Variants in USP9X observed in about 807,000 individuals in gnomAD.
USP9X encodes the protein ubiquitin carboxyl-terminal hydrolase 9X.
Under a neutral mutation model 190.3 loss-of-function variants are expected in USP9X, and 7 were observed. That is an observed-to-expected ratio of 0.04 (90% CI 0.02 to 0.07). The LOEUF is 0.07. Among genes scored for constraint, USP9X ranks in the 10% least tolerant of loss-of-function variants. The pLI is 1.00. For synonymous variants in USP9X, 645 were observed against 659.5 expected, an observed-to-expected ratio of 0.98 and a Z score of 0.34; for missense variants, 1,010 against 1,916.9, an observed-to-expected ratio of 0.53 and a Z score of 8.83.
rs2061902577 is a variant in USP9X, at chrX:41,085,567, C to T, written c.-701C>T. 1 of 260,880 alleles carries T rather than the reference C, an allele frequency of 3.8e-6. No individual in the cohort carries two copies. The highest frequency in any genetic ancestry group is 5.6e-5 in the East Asian group (1 of 17,846). The allele number at this position is 260,880 out of a possible 1,213,427, so 21.5% of individuals were successfully genotyped here. A position where few individuals can be genotyped will look rare whatever the true frequency, so the allele number is the denominator to read the frequency against. ...CGTCAGGGCCTCTGTCGCGCCTAGC[C>T]CCTCCCCGCCTTACACAGCTCCCGG... On this transcript the variant is annotated 5_prime_UTR_variant, in exon 1 of 45. Coordinates refer to ENST00000378308, the MANE Select transcript of USP9X (RefSeq NM_001039591.3).
intron 33 of USP9X, among the ~76,000 whole-genome samples, 153 bp from the exon 34 acceptor site, chrX:41,214,415 G>T (rs2063192553): frequency 1.8e-5 from 2 of 111,127 alleles, no homozygotes; most frequent in African/African-American, 6.6e-5. Context: ...CATGGCACAT[G>T]TATACATATG....
chrX:41,125,640 G>A (rs867429437), intron 2 of USP9X, among the ~76,000 whole-genome samples: 33 of 27,417 alleles, frequency 1.2e-3, no homozygotes, highest in African/African-American at 2.2e-3. Context: ...CACCCCTCCC[G>A]CCAACACACA....
At position 41,232,933 on chromosome X, in the gene USP9X, GA is replaced by G. The variant is rs759670124; in HGVS notation, c.*421del. On this transcript the variant is annotated 3_prime_UTR_variant, in exon 45 of 45. Transcript: ENST00000378308. The stretch of plus-strand genomic sequence containing the variant: ...GTTGGATCAGCTCCTTTACAAAAAA[GA>G]AAAAAAAAAAACCAACAGCAACAAA... The G allele has an allele frequency of 1.0e-3, 98 of 97,919 alleles. No homozygotes were observed. The highest frequency in any genetic ancestry group is 1.6e-3 in the East Asian group (5 of 3,202). The allele number at this position is 97,919 out of a possible 1,213,427, so 8.1% of individuals were successfully genotyped here. A position where few individuals can be genotyped will look rare whatever the true frequency, so the allele number is the denominator to read the frequency against.
At chrX:41,219,916 T>C (rs1458749245) in intron 38 of USP9X, among the ~76,000 whole-genome samples, 1 of 111,538 alleles carries the variant, frequency 9.0e-6, no homozygotes, top group Non-Finnish European at 1.9e-5. Flanking sequence ...GCTAAGGAGG[T>C]TGAGGCTGCA....
chrX:41,140,187 ACT>A (rs1482256977), intron 6 of USP9X, among the ~76,000 whole-genome samples: 1 of 111,850 alleles, frequency 8.9e-6, no homozygotes, highest in Non-Finnish European at 1.9e-5. Flanking sequence ...TTGACAATTG[ACT>A]CTCAGGCTAT....
chrX:41,166,499 A>G (rs1254872510), intron 16 of USP9X, among the ~76,000 whole-genome samples: 1 of 111,543 alleles, frequency 9.0e-6, no homozygotes, highest in Non-Finnish European at 1.9e-5. Flanking sequence ...TCCCCCGTGG[A>G]TATTAATGTT....
intron 21 of USP9X, among the ~76,000 whole-genome samples, chrX:41,180,198 A>C (rs1039007206): frequency 3.6e-5 from 4 of 112,571 alleles, no homozygotes; most frequent in African/African-American, 1.3e-4. Flanking sequence ...TTAGATTCTT[A>C]GCTAAGGCTT....
chrX:41,179,408 T>A (rs2062807140), intron 21 of USP9X, among the ~76,000 whole-genome samples: 1 of 112,020 alleles, frequency 8.9e-6, no homozygotes, highest in Non-Finnish European at 1.9e-5. Context: ...ATTTTTCCAT[T>A]TATTTGTGTC....
intron 21 of USP9X, among the ~76,000 whole-genome samples, chrX:41,183,272 TAAAAAA>T (rs10719162): frequency 3.1e-5 from 3 of 96,687 alleles, no homozygotes; most frequent in Admixed American, 1.1e-4. Flanking sequence ...AGCTTTTACT[TAAAAAA>T]AAAAAAAAAA....
intron 23 of USP9X, 21 bp from the exon 24 acceptor site, chrX:41,186,496 A>C (rs2062876672): frequency 5.0e-6 from 6 of 1,208,100 alleles, no homozygotes; most frequent in Non-Finnish European, 6.7e-6. Context: ...TACTCCAAAT[A>C]AAATGGTTAA....
chrX:41,115,758 A>C (rs2062143529), intron 1 of USP9X, among the ~76,000 whole-genome samples: 2 of 112,091 alleles, frequency 1.8e-5, no homozygotes, highest in Non-Finnish European at 3.8e-5. Flanking sequence ...TTTTTATTTA[A>C]ACACCTTTTT....
chrX:41,140,816 C>G, intron 7 of USP9X, 45 bp downstream of exon 7: 1 of 1,106,699 alleles, frequency 9.0e-7, no homozygotes. Context: ...CGTAGAATTG[C>G]TGGTTTTTGC....
chrX:41,122,879 A>G (rs180710965), intron 1 of USP9X, among the ~76,000 whole-genome samples: 14,583 of 110,250 alleles, frequency 0.13, 901 homozygotes, highest in East Asian at 0.21. Context: ...CCAATCTCCA[A>G]CGGCCCCCAG....
In USP9X at chrX:41,234,019, T is replaced by G. The variant is rs1485464140; in HGVS notation, c.*1495T>G. 6.7e-5 allele frequency: 7 copies of G among 104,765 alleles called. No individual in the cohort carries two copies. Among genetic ancestry groups the G allele is most frequent in the Admixed American group, 2.1e-4 (2 of 9,474 alleles). 8.6% of individuals were successfully genotyped at this position (104,765 alleles called of 1,213,427 possible). A position where few individuals can be genotyped will look rare whatever the true frequency, so the allele number is the denominator to read the frequency against. On this transcript the variant is annotated 3_prime_UTR_variant, in exon 45 of 45. Coordinates refer to ENST00000378308, the MANE Select transcript of USP9X (RefSeq NM_001039591.3). ...TTTTTGTCCTGTGGTGTGTTTTTGGTTTTTTTTTTGGTTACTTTTTTTGTC... is the reference window on the plus strand; with the variant it reads ...TTTTTGTCCTGTGGTGTGTTTTTGGGTTTTTTTTTGGTTACTTTTTTTGTC...
intron 43 of USP9X, 148 bp downstream of exon 43, chrX:41,229,927 A>G: frequency 9.7e-7 from 1 of 1,027,595 alleles, no homozygotes; most frequent in South Asian, 2.4e-5. Context: ...TCGGCTGGGC[A>G]TGGTGGCTCA....
intron 1 of USP9X, among the ~76,000 whole-genome samples, chrX:41,087,321 T>C (rs770760021): frequency 5.4e-5 from 6 of 112,112 alleles, no homozygotes; most frequent in Non-Finnish European, 9.4e-5. Context: ...TAGGAAACTT[T>C]CCAGCAGGTA....
At chrX:41,228,694 A>G (rs2063335952) in intron 41 of USP9X, among the ~76,000 whole-genome samples, 3 of 109,309 alleles carry the variant, frequency 2.7e-5, no homozygotes, top group African/African-American at 1.0e-4. Flanking sequence ...TTTAAATTAC[A>G]TATATGGCAG....
intron 4 of USP9X, 42 bp from the exon 5 acceptor site, chrX:41,134,683 A>G (rs763029120): frequency 2.7e-6 from 3 of 1,114,059 alleles, no homozygotes; most frequent in South Asian, 1.9e-5. Flanking sequence ...AAACAACCAG[A>G]TGAACATTTT....
In USP9X at chrX:41,197,364, GA is replaced by G; in HGVS notation, c.4235del (p.Asp1412ValfsTer16). ...NEIDWLKRIR[D>X]DVKRTGETGI... ...CCACCCCACCCCCCGCCTTTGGCAG[GA>G]TGATGTTAAAAGAACAGGAGAAACG... is the stretch of plus-strand genomic sequence containing the variant. On this transcript the variant is annotated frameshift_variant and splice_region_variant, in exon 29 of 45. Transcript: ENST00000378308. LOFTEE classifies it high-confidence loss of function. 1 of 1,019,494 alleles carries G rather than the reference GA, an allele frequency of 9.8e-7. No individual in the cohort carries two copies. 84.0% of individuals were successfully genotyped at this position (1,019,494 alleles called of 1,213,427 possible). A position where few individuals can be genotyped will look rare whatever the true frequency, so the allele number is the denominator to read the frequency against.
Sources: allele counts gnomAD v4.1 joint callset (sites outside exome capture counted in the v4.1 genomes callset), GRCh38; gene constraint gnomAD v4.1.1; transcripts MANE v1.5; gene names NCBI Gene and HGNC (gene_info 2026-07-23, HGNC 2026-07-21).